GPR137C: variants seen among roughly 807,000 people sequenced by gnomAD.
GPR137C encodes integral membrane protein GPR137C.
A neutral mutation model predicts 43.4 loss-of-function variants in GPR137C; 27 were observed. The ratio of observed to expected loss-of-function variants is 0.62; its 90% CI spans 0.46 to 0.86. The LOEUF (loss-of-function observed/expected upper bound fraction) is 0.86, where lower values mean the gene tolerates loss of function less well. GPR137C is among the 40% of genes least tolerant of loss of function. The pLI, the probability that GPR137C is intolerant of heterozygous loss-of-function variation, is 0.00. For missense variants in GPR137C, 522 were observed against 534.6 expected (o/e 0.98, Z 0.23); for synonymous variants, 285 against 226.9 (o/e 1.26, Z -2.30).
In GPR137C at chr14:52,553,041, G is replaced by A. The variant is rs2038103545; in HGVS notation, c.-107G>A. On this transcript the variant is annotated 5_prime_UTR_variant, in exon 1 of 7. Coordinates refer to ENST00000321662, the MANE Select transcript of GPR137C (RefSeq NM_001099652.2). ...CGTCACGGCGCTTCCTGGGGTTAGA[G>A]GCTGGGGTGGGTGGGGGGTAAGGGG... 4.0e-6 allele frequency: 2 copies of A among 494,122 alleles called. No individual in the cohort carries two copies. The highest frequency in any genetic ancestry group is 9.1e-5 in the East Asian group (1 of 10,950). 30.6% of individuals were successfully genotyped at this position (494,122 alleles called of 1,614,324 possible). A position where few individuals can be genotyped will look rare whatever the true frequency, so the allele number is the denominator to read the frequency against.
At position 52,579,131 on chromosome 14, in the gene GPR137C, A is replaced by C. The variant is rs139963899; in HGVS notation, c.445-19141A>C. On this transcript the variant is annotated intron_variant, in intron 1 of 6. Coordinates refer to ENST00000321662, the MANE Select transcript of GPR137C (RefSeq NM_001099652.2). ...AAAATATTCTAATCTTTCAAAGAGT[A>C]AAGGTCTATTCCAGCATTTTGAGAA... is the stretch of plus-strand genomic sequence containing the variant. Among the ~76,000 whole-genome samples, 16 of 152,336 alleles carry C rather than the reference A, an allele frequency of 1.1e-4. 1 individual carries two copies. In the East Asian group the frequency reaches 2.9e-3, roughly 28 times the overall value.
chr14:52,586,583 A>G (rs1257196413), intron 1 of GPR137C, among the ~76,000 whole-genome samples: 2 of 151,990 alleles, frequency 1.3e-5, no homozygotes, highest in African/African-American at 2.4e-5. Context: ...TCCTCTGCCC[A>G]TCTCCCTTTT....
chr14:52,572,028 C>T (rs1388448422), intron 1 of GPR137C, among the ~76,000 whole-genome samples: 1 of 152,052 alleles, frequency 6.6e-6, no homozygotes, highest in East Asian at 1.9e-4. Context: ...ACACATACAC[C>T]CTCCCAAGAC....
Position 52,601,741 on chromosome 14 carries a change from A to C in GPR137C, c.717+1400A>C, listed in dbSNP as rs115299773. Among the ~76,000 whole-genome samples the C allele has an allele frequency of 4.0e-3, 614 of 152,142 alleles. 3 individuals are homozygous for C. The highest frequency in any genetic ancestry group is 0.014 in the African/African-American group (590 of 41,518). On this transcript the variant is annotated intron_variant, in intron 3 of 6. Transcript: ENST00000321662. ...TTATTTAGTATAATAACATCACTATAGAATTCATACCTGTTGCTTGTCTAG... is the reference window on the plus strand; with the variant it reads ...TTATTTAGTATAATAACATCACTATCGAATTCATACCTGTTGCTTGTCTAG...
At chr14:52,613,058 A>C (rs2039056108) in intron 3 of GPR137C, 1 of 152,098 alleles carries the variant, frequency 6.6e-6, no homozygotes, top group South Asian at 2.1e-4. Flanking sequence ...CATCCTGGCT[A>C]ACACGGTGAA....
chr14:52,571,606 G>A (rs1487815799), intron 1 of GPR137C, among the ~76,000 whole-genome samples: 1 of 152,080 alleles, frequency 6.6e-6, no homozygotes, highest in African/African-American at 2.4e-5. Flanking sequence ...CCCGGGAGGT[G>A]GAGGTTGCAG....
intron 1 of GPR137C, among the ~76,000 whole-genome samples, chr14:52,575,547 T>G (rs1054690674): frequency 3.9e-5 from 6 of 152,262 alleles, no homozygotes; most frequent in Non-Finnish European, 7.3e-5. Flanking sequence ...TAATACATTT[T>G]CTTGGGCATG....
At chr14:52,580,350 A>G (rs1002819888) in intron 1 of GPR137C, among the ~76,000 whole-genome samples, 60 of 150,240 alleles carry the variant, frequency 4.0e-4, no homozygotes, top group Middle Eastern at 3.4e-3. Context: ...AGCAGAGAGA[A>G]GAGACTAAAA....
At chr14:52,610,694 C>T (rs1418581133) in intron 3 of GPR137C, among the ~76,000 whole-genome samples, 2 of 152,090 alleles carry the variant, frequency 1.3e-5, no homozygotes, top group Non-Finnish European at 2.9e-5. Context: ...AGTAGATGTT[C>T]GGTAAATATT....
chr14:52,599,625 G>C (rs1174155238), intron 2 of GPR137C, among the ~76,000 whole-genome samples: 1 of 151,974 alleles, frequency 6.6e-6, no homozygotes, highest in Non-Finnish European at 1.5e-5. Context: ...GTAGAGATGA[G>C]GTTTCTCCAT....
intron 1 of GPR137C, among the ~76,000 whole-genome samples, chr14:52,570,751 A>G (rs117768308): frequency 0.023 from 3,548 of 152,256 alleles, 61 homozygotes; most frequent in Non-Finnish European, 0.035. Context: ...GGACAAGGGC[A>G]TTACATAACG....
At chr14:52,595,556 G>A (rs1200331004) in intron 1 of GPR137C, among the ~76,000 whole-genome samples, 1 of 151,896 alleles carries the variant, frequency 6.6e-6, no homozygotes, top group African/African-American at 2.4e-5. Flanking sequence ...TCCTCGCTCT[G>A]TTTTATTAAT....
Position 52,570,880 on chromosome 14 carries a change from A to G in GPR137C, c.444+17289A>G, listed in dbSNP as rs945041922. On this transcript the variant is annotated intron_variant, in intron 1 of 6. Coordinates refer to ENST00000321662, the MANE Select transcript of GPR137C (RefSeq NM_001099652.2). Reference sequence around the variant, plus strand: ...TACAAAGAGACTTAGACTCCCACACAATAATAGTGGGAGACTTTAACACCC... The same window carrying G: ...TACAAAGAGACTTAGACTCCCACACGATAATAGTGGGAGACTTTAACACCC... Among the ~76,000 whole-genome samples the G allele has an allele frequency of 5.3e-5, 8 of 152,310 alleles. 1 individual carries two copies. Among genetic ancestry groups the G allele is most frequent in the Admixed American group, 4.6e-4 (7 of 15,304 alleles).
At chr14:52,612,285 A>C in intron 3 of GPR137C, 1 of 908,626 alleles carries the variant, frequency 1.1e-6, no homozygotes, top group Non-Finnish European at 1.3e-6. Context: ...TTTTCCCCTT[A>C]TACTAGTAAA....
At chr14:52,600,574 C>A (rs2038912288) in intron 3 of GPR137C, among the ~76,000 whole-genome samples, 1 of 152,118 alleles carries the variant, frequency 6.6e-6, no homozygotes. Context: ...CCTCAACCTC[C>A]CAGGTAGCTG....
At chr14:52,611,820 A>G (rs1232884674) in intron 3 of GPR137C, 6 of 542,414 alleles carry the variant, frequency 1.1e-5, no homozygotes, top group Admixed American at 6.4e-5. Flanking sequence ...TATAGTAATC[A>G]TGTCCATAGT....
chr14:52,582,967 G>A (rs2038666770), intron 1 of GPR137C, among the ~76,000 whole-genome samples: 1 of 151,992 alleles, frequency 6.6e-6, no homozygotes, highest in African/African-American at 2.4e-5. Context: ...CTGCTAGTCT[G>A]TATATGGGAT....
intron 1 of GPR137C, among the ~76,000 whole-genome samples, chr14:52,593,042 G>C (rs534397705): frequency 3.9e-5 from 6 of 152,102 alleles, no homozygotes; most frequent in Non-Finnish European, 5.9e-5. Context: ...TAGCATGAAG[G>C]GCTGTTGAAT....
intron 3 of GPR137C, among the ~76,000 whole-genome samples, chr14:52,620,387 C>T (rs1226635438): frequency 6.6e-6 from 1 of 152,020 alleles, no homozygotes; most frequent in African/African-American, 2.4e-5. Flanking sequence ...GAGATTTCAG[C>T]TGACCAACGT....
Sources: gnomAD v4.1 joint callset for allele counts (sites outside exome capture counted in the v4.1 genomes callset) on GRCh38, gnomAD v4.1.1 for gene constraint, MANE v1.5 for transcripts, NCBI Gene and HGNC (gene_info 2026-07-23, HGNC 2026-07-21) for gene names.